The following TBC1D5 variants were observed in gnomAD, a reference collection of about 807,000 sequenced individuals.
The protein encoded by TBC1D5 is TBC1 domain family, member 5.
In TBC1D5, 75 loss-of-function variants were observed where a neutral mutation model predicts 100.3. The ratio of observed to expected loss-of-function variants is 0.75; its 90% confidence interval spans 0.62 to 0.91. The LOEUF is 0.91. Ranked by LOEUF, TBC1D5 falls within the 40% of genes least tolerant of loss-of-function variation. The probability of loss-of-function intolerance (pLI) is 0.00; values close to 1 mark genes in which losing one functional copy is unlikely to be tolerated. For synonymous variants in TBC1D5, 323 were observed against 325.6 expected (o/e 0.99, Z 0.09); for missense variants, 910 against 942.4 (o/e 0.97, Z 0.45).
chr3:17,492,947 T>C (rs1294126619), intron 3 of TBC1D5, among the ~76,000 whole-genome samples: 1 of 152,220 alleles, frequency 6.6e-6, no homozygotes, highest in Non-Finnish European at 1.5e-5. Context: ...TTAAGATTAA[T>C]ATTGTTATGT....
intron 18 of TBC1D5, among the ~76,000 whole-genome samples, chr3:17,198,909 C>T (rs1377901067): frequency 6.6e-6 from 1 of 152,178 alleles, no homozygotes; most frequent in Non-Finnish European, 1.5e-5. Context: ...TTCTCCCAGG[C>T]CATTCTAACG....
At chr3:17,505,501 C>T (rs1004431761) in intron 3 of TBC1D5, among the ~76,000 whole-genome samples, 1 of 152,138 alleles carries the variant, frequency 6.6e-6, no homozygotes, top group Non-Finnish European at 1.5e-5. Flanking sequence ...TATTTCTTCA[C>T]AGTGATGTAA....
In TBC1D5 at chr3:17,605,924, A is replaced by G. The variant is rs552656856; in HGVS notation, c.-36+17925T>C. ...CATTCACCAAATTACTGACTTCTGT[A>G]TTATACTCTGAAAAAAATCAATAAA... On this transcript the variant is annotated intron_variant, in intron 2 of 21. Coordinates refer to ENST00000253692, the Ensembl canonical transcript of TBC1D5. 2.6e-5 allele frequency among the ~76,000 whole-genome samples: 4 copies of G among 152,292 alleles called. No homozygotes were observed. The South Asian group carries it at 8.3e-4, about 32-fold the overall frequency.
intron 18 of TBC1D5, among the ~76,000 whole-genome samples, chr3:17,212,270 A>G (rs1347922332): frequency 6.6e-6 from 1 of 152,148 alleles, no homozygotes; most frequent in Non-Finnish European, 1.5e-5. Flanking sequence ...CCATAAGACT[A>G]TAATGGAGCT....
At chr3:17,357,000 A>G (rs964650787) in intron 13 of TBC1D5, among the ~76,000 whole-genome samples, 2 of 152,164 alleles carry the variant, frequency 1.3e-5, no homozygotes, top group Non-Finnish European at 2.9e-5. Flanking sequence ...GTGATAAAAA[A>G]AAAAAATAGT....
intron 14 of TBC1D5, among the ~76,000 whole-genome samples, chr3:17,298,447 G>A (rs995467988): frequency 6.6e-6 from 1 of 152,222 alleles, no homozygotes; most frequent in Middle Eastern, 3.4e-3. Context: ...TACATACTAA[G>A]GGCTGTGATA....
chr3:17,646,678 A>C (rs1360343256), intron 1 of TBC1D5, among the ~76,000 whole-genome samples: 3 of 152,080 alleles, frequency 2.0e-5, no homozygotes, highest in Non-Finnish European at 2.9e-5. Context: ...TCTCTTGTTC[A>C]TTCACCCTTA....
At chr3:17,738,932 T>G (rs1325590361) in intron 1 of TBC1D5, among the ~76,000 whole-genome samples, 5 of 152,208 alleles carry the variant, frequency 3.3e-5, no homozygotes, top group Non-Finnish European at 7.3e-5. Flanking sequence ...ATGATAAACA[T>G]TTTCCTAAAC....
At chr3:17,616,562 CTGGGTGCTCCTGTAT>C (rs2062173403) in intron 2 of TBC1D5, among the ~76,000 whole-genome samples, 1 of 152,118 alleles carries the variant, frequency 6.6e-6, no homozygotes, top group South Asian at 2.1e-4. Flanking sequence ...CTTTTTGAAA[CTGGGTGCTCCTGTAT>C]TGGGTGCATA....
At chr3:17,354,343 T>C (rs1028958205) in intron 13 of TBC1D5, among the ~76,000 whole-genome samples, 3 of 152,154 alleles carry the variant, frequency 2.0e-5, no homozygotes, top group African/African-American at 4.8e-5. Context: ...TTTATCACTT[T>C]TGTCTTATCA....
intron 20 of TBC1D5, 47 bp downstream of exon 21, chr3:17,167,702 C>T (rs755045578): frequency 1.0e-5 from 16 of 1,578,718 alleles, no homozygotes; most frequent in African/African-American, 6.8e-5. Context: ...GGGCCCTCCC[C>T]GCGGCAGGCG....
intron 16 of TBC1D5, among the ~76,000 whole-genome samples, chr3:17,253,322 TACA>T (rs1255561989): frequency 1.3e-5 from 2 of 152,202 alleles, no homozygotes; most frequent in East Asian, 3.8e-4. Context: ...GCTATAGAAA[TACA>T]ACTTTATGAT....
intron 1 of TBC1D5, among the ~76,000 whole-genome samples, chr3:17,725,967 T>A (rs1422977581): frequency 6.6e-6 from 1 of 152,206 alleles, no homozygotes; most frequent in East Asian, 1.9e-4. Flanking sequence ...ACATGCAGTA[T>A]CTGGTTTTCT....
At chr3:17,375,353 G>A (rs2092664389) in intron 10 of TBC1D5, among the ~76,000 whole-genome samples, 1 of 151,906 alleles carries the variant, frequency 6.6e-6, no homozygotes, top group African/African-American at 2.4e-5. Flanking sequence ...TAGATCACGA[G>A]GTCAAGAGAT....
At chr3:17,684,529 C>T (rs1057256785) in intron 1 of TBC1D5, among the ~76,000 whole-genome samples, 8 of 151,926 alleles carry the variant, frequency 5.3e-5, no homozygotes, top group East Asian at 1.9e-4. Flanking sequence ...GGCACTCACC[C>T]GAATGACTAC....
intron 1 of TBC1D5, among the ~76,000 whole-genome samples, chr3:17,704,897 G>A (rs1402153039): frequency 1.7e-3 from 157 of 91,316 alleles, no homozygotes; most frequent in Middle Eastern, 0.01. Flanking sequence ...CCTCCCTCCC[G>A]GACGGGGCGG....
chr3:17,554,692 T>C (rs2096501109), intron 2 of TBC1D5, among the ~76,000 whole-genome samples: 1 of 152,158 alleles, frequency 6.6e-6, no homozygotes, highest in African/African-American at 2.4e-5. Context: ...CAAATGGGAT[T>C]TGGCCTGGAT....
chr3:17,663,952 A>C (rs987549046), intron 1 of TBC1D5, among the ~76,000 whole-genome samples: 1 of 152,246 alleles, frequency 6.6e-6, no homozygotes, highest in African/African-American at 2.4e-5. Flanking sequence ...TTTTTCATAT[A>C]AAAAACTTAT....
intron 2 of TBC1D5, among the ~76,000 whole-genome samples, chr3:17,535,066 C>T (rs2096269450): frequency 6.6e-6 from 1 of 152,062 alleles, no homozygotes; most frequent in Non-Finnish European, 1.5e-5. Context: ...GATTGTGTAA[C>T]AATATAGTTT....
Sources: gnomAD v4.1 joint callset for allele counts (sites outside exome capture counted in the v4.1 genomes callset) on GRCh38, gnomAD v4.1.1 for gene constraint, MANE v1.5 for transcripts, NCBI Gene and HGNC (gene_info 2026-07-23, HGNC 2026-07-21) for gene names.